Variants in KCNIP4 observed in about 807,000 individuals in gnomAD.
KCNIP4 encodes potassium voltage-gated channel interacting protein 4.
Under a neutral mutation model 34.0 loss-of-function variants are expected in KCNIP4, and 12 were observed. That is an observed-to-expected ratio of 0.35 (90% CI 0.23 to 0.57). The LOEUF is 0.57. Among genes scored for constraint, KCNIP4 ranks in the 20% least tolerant of loss-of-function variants. The pLI, the probability that KCNIP4 is intolerant of heterozygous loss-of-function variation, is 0.83. For synonymous variants in KCNIP4, 124 were observed against 102.2 expected, an observed-to-expected ratio of 1.21 and a Z score of -1.29; for missense variants, 238 against 311.7, an observed-to-expected ratio of 0.76 and a Z score of 1.78.
chr4:21,861,571 A>G (rs1317632146), intron 1 of KCNIP4, among the ~76,000 whole-genome samples: 1 of 147,156 alleles, frequency 6.8e-6, no homozygotes, highest in Non-Finnish European at 1.5e-5. Flanking sequence ...GAATCACTTA[A>G]GCCGGGACAC....
At chr4:20,771,674 C>CT (rs34800985) in intron 3 of KCNIP4, among the ~76,000 whole-genome samples, 7,281 of 145,256 alleles carry the variant, frequency 0.05, 197 homozygotes, top group African/African-American at 0.087. Flanking sequence ...ATAAAACTCA[C>CT]TTTTTTTTTT....
At chr4:21,133,926 G>A (rs1302948592) in intron 1 of KCNIP4, among the ~76,000 whole-genome samples, 1 of 152,152 alleles carries the variant, frequency 6.6e-6, no homozygotes, top group Non-Finnish European at 1.5e-5. Context: ...AAGTTTCTCT[G>A]TGTCATCATT....
chr4:21,757,127 G>A (rs181137687), intron 1 of KCNIP4, among the ~76,000 whole-genome samples: 1 of 26,448 alleles, frequency 3.8e-5, no homozygotes, highest in South Asian at 1.6e-3. Flanking sequence ...AAGAAAGAAA[G>A]AAAGAAAGAA....
chr4:21,153,570 G>T (rs1252139278), intron 1 of KCNIP4, among the ~76,000 whole-genome samples: 1 of 138,992 alleles, frequency 7.2e-6, no homozygotes, highest in Non-Finnish European at 1.6e-5. Flanking sequence ...ATGAATTGTT[G>T]GTTCTTCTCA....
At chr4:21,059,544 G>A (rs1474934001) in intron 1 of KCNIP4, among the ~76,000 whole-genome samples, 1 of 152,082 alleles carries the variant, frequency 6.6e-6, no homozygotes, top group Non-Finnish European at 1.5e-5. Context: ...CACCAGAGAA[G>A]GAGAGAGTTG....
chr4:21,668,367 G>A (rs920248401), intron 1 of KCNIP4, among the ~76,000 whole-genome samples: 1 of 152,074 alleles, frequency 6.6e-6, no homozygotes, highest in Admixed American at 6.6e-5. Flanking sequence ...AAAAAAAACT[G>A]CTGTATTAAG....
intron 1 of KCNIP4, among the ~76,000 whole-genome samples, chr4:21,883,682 C>T (rs1726593104): frequency 6.6e-6 from 1 of 152,092 alleles, no homozygotes; most frequent in African/African-American, 2.4e-5. Flanking sequence ...ATCCACAGTG[C>T]TACTGACTAT....
rs537947690 is a variant in KCNIP4, at chr4:21,694,995, C to T, written c.61+253576G>A. ...GAAAAAAAATCACCCAAGACATGTTCGTGTTGTTTTAAATTTTTGATAACT... is the reference window on the plus strand; with the variant it reads ...GAAAAAAAATCACCCAAGACATGTTTGTGTTGTTTTAAATTTTTGATAACT... On this transcript the variant is annotated intron_variant, in intron 1 of 8. Transcript: ENST00000382152. Among the ~76,000 whole-genome samples, 5 of 148,840 alleles carry T rather than the reference C, an allele frequency of 3.4e-5. No individual in the cohort carries two copies. In the South Asian group the frequency reaches 6.4e-4, roughly 19 times the overall value.
Position 21,248,006 on chromosome 4 carries a change from C to T in KCNIP4, c.62-365297G>A, listed in dbSNP as rs1215115601. 4.8e-4 allele frequency among the ~76,000 whole-genome samples: 21 copies of T among 43,920 alleles called. No individual in the cohort carries two copies. The African/African-American group carries it at 5.6e-3, about 12-fold the overall frequency. The allele number at this position is 43,920 out of a possible 152,430, so 28.8% of individuals were successfully genotyped here. A position where few individuals can be genotyped will look rare whatever the true frequency, so the allele number is the denominator to read the frequency against. ...ATACACACACACACACACACACACC[C>T]CCCACAGGTGGATATATATATATGT... is the stretch of plus-strand genomic sequence containing the variant. On this transcript the variant is annotated intron_variant, in intron 1 of 8. Coordinates refer to ENST00000382152, the MANE Select transcript of KCNIP4 (RefSeq NM_025221.6).
intron 1 of KCNIP4, among the ~76,000 whole-genome samples, chr4:21,348,728 A>G (rs753929033): frequency 2.1e-4 from 32 of 152,212 alleles, no homozygotes; most frequent in Non-Finnish European, 4.3e-4. Context: ...TTACTTATTC[A>G]TTACACATTT....
chr4:21,510,921 G>A (rs1443317063), intron 1 of KCNIP4, among the ~76,000 whole-genome samples: 2 of 152,080 alleles, frequency 1.3e-5, no homozygotes, highest in Non-Finnish European at 2.9e-5. Flanking sequence ...GTGGGCGCAT[G>A]TAGTCCCAGC....
intron 2 of KCNIP4, among the ~76,000 whole-genome samples, chr4:20,864,758 C>T (rs767814904): frequency 6.6e-6 from 1 of 152,074 alleles, no homozygotes; most frequent in Non-Finnish European, 1.5e-5. Flanking sequence ...AAGTTCATGT[C>T]ACATACAGAG....
At chr4:21,948,522 G>T in intron 1 of KCNIP4, 49 bp downstream of exon 1, 1 of 1,582,566 alleles carries the variant, frequency 6.3e-7, no homozygotes, top group Non-Finnish European at 8.6e-7. Context: ...GGCTCGCGAG[G>T]GAAGGAGGGC....
chr4:21,626,635 C>T (rs998905986), intron 1 of KCNIP4, among the ~76,000 whole-genome samples: 1 of 152,060 alleles, frequency 6.6e-6, no homozygotes, highest in African/African-American at 2.4e-5. Context: ...GGGGCAGTGG[C>T]AACTACCCCA....
At position 21,234,084 on chromosome 4, in the gene KCNIP4, CGTATA is replaced by C; in HGVS notation, c.62-351380_62-351376del. 2.4e-5 allele frequency among the ~76,000 whole-genome samples: 2 copies of C among 82,634 alleles called. 1 individual carries two copies. The highest frequency in any genetic ancestry group is 1.6e-4 in the African/African-American group (2 of 12,556). 54.2% of individuals were successfully genotyped at this position (82,634 alleles called of 152,430 possible). ...ATATATAACATAACATAACATATAA[CGTATA>C]TTATATATAACATATATAACGTATA... On this transcript the variant is annotated intron_variant, in intron 1 of 8. Coordinates refer to ENST00000382152, the MANE Select transcript of KCNIP4 (RefSeq NM_025221.6).
chr4:20,999,850 A>G (rs763355757), intron 1 of KCNIP4, among the ~76,000 whole-genome samples: 13 of 152,192 alleles, frequency 8.5e-5, no homozygotes, highest in Non-Finnish European at 7.3e-5. Context: ...AGTATAAAAG[A>G]CTAACAAAGT....
chr4:21,858,122 T>C (rs10000447), intron 1 of KCNIP4, among the ~76,000 whole-genome samples: 18,966 of 152,108 alleles, frequency 0.12, 3,516 homozygotes, highest in African/African-American at 0.41. Flanking sequence ...CCTCACCACT[T>C]CAGTCACCCT....
intron 1 of KCNIP4, among the ~76,000 whole-genome samples, chr4:21,528,364 T>C (rs994841670): frequency 6.6e-6 from 1 of 151,890 alleles, no homozygotes; most frequent in Admixed American, 6.6e-5. Context: ...CATGTTTGCT[T>C]TCCTCCATAG....
At chr4:21,477,850 G>A (rs1199551985) in intron 1 of KCNIP4, among the ~76,000 whole-genome samples, 3 of 152,112 alleles carry the variant, frequency 2.0e-5, no homozygotes, top group South Asian at 2.1e-4. Flanking sequence ...TAACAGTAGG[G>A]TATTTTAGCC....
Sources: allele counts gnomAD v4.1 joint callset (sites outside exome capture counted in the v4.1 genomes callset), GRCh38; gene constraint gnomAD v4.1.1; transcripts MANE v1.5; gene names NCBI Gene and HGNC (gene_info 2026-07-23, HGNC 2026-07-21).